The following BNIP5 variants were observed in gnomAD, a reference collection of about 807,000 sequenced individuals.
The protein encoded by BNIP5 is protein BNIP5.
A neutral mutation model predicts 67.3 loss-of-function variants in BNIP5; 61 were observed. That is an observed-to-expected ratio of 0.91 (90% CI 0.74 to 1.12). The LOEUF is 1.12. BNIP5 is among the 50% of genes most tolerant of loss of function. BNIP5 has a pLI of 0.00. For synonymous variants in BNIP5, 317 were observed against 319.0 expected (o/e 0.99, Z 0.07); for missense variants, 826 against 816.3 (o/e 1.01, Z -0.14).
intron 1 of BNIP5, among the ~76,000 whole-genome samples, chr6:36,335,597 T>A (rs1771996509): frequency 6.6e-6 from 1 of 152,186 alleles, no homozygotes; most frequent in Admixed American, 6.5e-5. Flanking sequence ...GCTCTCAGTG[T>A]TTGTGAAACA....
At chr6:36,322,994 T>C (rs141998639) in intron 8 of BNIP5, among the ~76,000 whole-genome samples, 281 of 152,352 alleles carry the variant, frequency 1.8e-3, no homozygotes, top group South Asian at 1.0e-2. Flanking sequence ...GTGATTCTGA[T>C]GCACAGCGGC....
At position 36,326,496 on chromosome 6, in the gene BNIP5, C is replaced by G. The variant is rs745609871; in HGVS notation, c.1036+14G>C. 6.2e-7 allele frequency: 1 copy of G among 1,613,998 alleles called. No homozygotes were observed. Among genetic ancestry groups the G allele is most frequent in the Non-Finnish European group, 8.5e-7 (1 of 1,179,946 alleles). On this transcript the variant is annotated intron_variant, in intron 5 of 11. Coordinates refer to ENST00000437635, the MANE Select transcript of BNIP5 (RefSeq NM_001010903.5). The stretch of plus-strand genomic sequence containing the variant: ...AGCTGCAGGGTTGCTATGGCAACTG[C>G]AGAGCCTGCTCACCATAGCTGCTGG...
intron 9 of BNIP5, among the ~76,000 whole-genome samples, chr6:36,321,513 G>A (rs1221020706): frequency 1.3e-5 from 2 of 152,124 alleles, no homozygotes; most frequent in African/African-American, 4.8e-5. Flanking sequence ...AGGCCTCCCA[G>A]TGTCCCTTAT....
At chr6:36,326,839 T>G (rs1471809125) in intron 4 of BNIP5, 86 bp from the exon 5 acceptor site, 6 of 1,579,166 alleles carry the variant, frequency 3.8e-6, no homozygotes, top group Non-Finnish European at 5.2e-6. Flanking sequence ...GCAGCCAAGC[T>G]GCAAGATGGC....
Position 36,316,979 on chromosome 6 carries a change from C to A in BNIP5, c.*377G>T. 2.3e-6 allele frequency: 1 copy of A among 427,452 alleles called. No homozygotes were observed. Among genetic ancestry groups the A allele is most frequent in the South Asian group, 8.7e-5 (1 of 11,554 alleles). The allele number at this position is 427,452 out of a possible 1,614,324, so 26.5% of individuals were successfully genotyped here. On this transcript the variant is annotated 3_prime_UTR_variant, in exon 12 of 12. Coordinates refer to ENST00000437635, the MANE Select transcript of BNIP5 (RefSeq NM_001010903.5). ...AAAAATTTAGTTTAAAAACTAGACT[C>A]AGTTAACATGAACATCTGAGAAAAT...
At chr6:36,325,161 T>G (rs1771732265) in intron 6 of BNIP5, 122 bp downstream of exon 6, 1 of 1,095,348 alleles carries the variant, frequency 9.1e-7, no homozygotes. Flanking sequence ...CCCAGCCTGC[T>G]GTACTCAGAG....
chr6:36,317,759 C>G (rs997681577), intron 11 of BNIP5, among the ~76,000 whole-genome samples: 1 of 152,184 alleles, frequency 6.6e-6, no homozygotes, highest in Non-Finnish European at 1.5e-5. Flanking sequence ...AGCCTCACAG[C>G]CCTTTGCACA....
chr6:36,316,603 C>CT lies in BNIP5; in HGVS notation c.*752dup. 2.5e-6 allele frequency: 1 copy of CT among 398,734 alleles called. No individual in the cohort carries two copies. Among genetic ancestry groups the CT allele is most frequent in the East Asian group, 3.6e-5 (1 of 28,084 alleles). The allele number at this position is 398,734 out of a possible 1,614,324, so 24.7% of individuals were successfully genotyped here. A position where few individuals can be genotyped will look rare whatever the true frequency, so the allele number is the denominator to read the frequency against. Reference sequence around the variant, plus strand: ...GAAGCCCTCCTCCACTTCCTGAAAACTACCCAAAAGAAGCTATAGTGCCTA... The same window carrying CT: ...GAAGCCCTCCTCCACTTCCTGAAAACTTACCCAAAAGAAGCTATAGTGCCTA... On this transcript the variant is annotated 3_prime_UTR_variant, in exon 12 of 12. Coordinates refer to ENST00000437635, the MANE Select transcript of BNIP5 (RefSeq NM_001010903.5).
At chr6:36,322,106 G>T (rs927388765) in intron 9 of BNIP5, among the ~76,000 whole-genome samples, 1 of 152,150 alleles carries the variant, frequency 6.6e-6, no homozygotes, top group African/African-American at 2.4e-5. Context: ...GGATAGACAG[G>T]TGTCCTCTAC....
At position 36,328,611 on chromosome 6, in the gene BNIP5, G is replaced by C; in HGVS notation, c.714C>G (p.Leu238=). ...ATTCCGACTCACGGTCAGGCTTTTT[G>C]AGCTCCTCTTCTTGCTGATGACCTG... The part of the protein sequence containing the change: ...HATGHQQEEE[L]KKPDQDAIIQ... Residue 238 remains leucine, a synonymous_variant, in exon 3 of 12, where the codon CTC becomes CTG. Coordinates refer to ENST00000437635, the MANE Select transcript of BNIP5 (RefSeq NM_001010903.5). The C allele has an allele frequency of 6.2e-7, 1 of 1,612,332 alleles. No individual in the cohort carries two copies. Among genetic ancestry groups the C allele is most frequent in the Non-Finnish European group, 8.5e-7 (1 of 1,178,370 alleles).
intron 11 of BNIP5, among the ~76,000 whole-genome samples, chr6:36,318,919 A>G (rs1295940976): frequency 6.6e-6 from 1 of 152,150 alleles, no homozygotes; most frequent in African/African-American, 2.4e-5. Flanking sequence ...CAGCCCATGG[A>G]GCCTTCTTGT....
intron 5 of BNIP5, 93 bp downstream of exon 5, chr6:36,326,417 G>T: frequency 1.3e-6 from 2 of 1,503,500 alleles, no homozygotes; most frequent in Non-Finnish European, 1.8e-6. Context: ...CAGGCACAAC[G>T]CAACCTTTAA....
At chr6:36,334,282 A>AGCT (rs973809585) in intron 1 of BNIP5, among the ~76,000 whole-genome samples, 1 of 152,204 alleles carries the variant, frequency 6.6e-6, no homozygotes, top group Non-Finnish European at 1.5e-5. Context: ...GAGCCCCCGC[A>AGCT]GCTGCTGCTG....
intron 1 of BNIP5, among the ~76,000 whole-genome samples, chr6:36,333,177 C>T (rs1435060455): frequency 6.6e-6 from 1 of 152,222 alleles, no homozygotes; most frequent in Non-Finnish European, 1.5e-5. Context: ...CTCCTCCAAG[C>T]ACCAGTATGG....
chr6:36,330,274 T>G lies in BNIP5; in HGVS notation c.417A>C (p.Ala139=), dbSNP rs1016955178. 6.2e-7 allele frequency: 1 copy of G among 1,614,206 alleles called. No homozygotes were observed. ...CTTTCTTCCTGAGGGCTGGCTCCCC[T>G]GCTGCTTCCAGGGGCTCCGGATGCT... The part of the protein sequence containing the change: ...ISQHPEPLEA[A]GEPALRKKAH... Residue 139 remains alanine (A), a synonymous_variant, in exon 2 of 12, where the codon GCA becomes GCC. Coordinates refer to ENST00000437635, the MANE Select transcript of BNIP5 (RefSeq NM_001010903.5).
intron 5 of BNIP5, among the ~76,000 whole-genome samples, chr6:36,326,266 C>T (rs1291010630): frequency 6.6e-6 from 1 of 152,184 alleles, no homozygotes; most frequent in African/African-American, 2.4e-5. Context: ...TGGGAAATCC[C>T]GGAACATAAT....
At chr6:36,323,203 C>A in intron 8 of BNIP5, 90 bp downstream of exon 8, 1 of 1,555,048 alleles carries the variant, frequency 6.4e-7, no homozygotes, top group Non-Finnish European at 8.8e-7. Flanking sequence ...ACATCCTCCA[C>A]TATGCCAGCC....
At chr6:36,336,007 G>C (rs1317786022) in intron 1 of BNIP5, among the ~76,000 whole-genome samples, 1 of 152,104 alleles carries the variant, frequency 6.6e-6, no homozygotes, top group Non-Finnish European at 1.5e-5. Flanking sequence ...AATCACGTGT[G>C]CCTAGGTATA....
chr6:36,318,696 C>T (rs1771569971), intron 11 of BNIP5, among the ~76,000 whole-genome samples: 1 of 152,120 alleles, frequency 6.6e-6, no homozygotes, highest in Non-Finnish European at 1.5e-5. Flanking sequence ...GCACTCCAGC[C>T]TGGGTGACAG....
Sources: gnomAD v4.1 joint callset for allele counts (sites outside exome capture counted in the v4.1 genomes callset) on GRCh38, gnomAD v4.1.1 for gene constraint, MANE v1.5 for transcripts, NCBI Gene and HGNC (gene_info 2026-07-23, HGNC 2026-07-21) for gene names.